Variants in THBS2 observed in about 807,000 individuals in gnomAD.
THBS2 encodes thrombospondin 2, also known as thrombospondin-2.
A neutral mutation model predicts 135.2 loss-of-function variants in THBS2; 47 were observed. The observed-to-expected ratio is 0.35, with a 90% CI of 0.28 to 0.44. The LOEUF is 0.44. Ranked by LOEUF, THBS2 falls within the 20% of genes least tolerant of loss-of-function variation. THBS2 has a pLI of 1.00. For synonymous variants in THBS2, 639 were observed against 633.8 expected, an observed-to-expected ratio of 1.01 and a Z score of -0.12; for missense variants, 1,288 against 1,603.1, an observed-to-expected ratio of 0.80 and a Z score of 3.36.
At chr6:169,226,367 AT>A (rs1233176737) in intron 15 of THBS2, 69 bp from the exon 16 acceptor site, 1 of 1,276,896 alleles carries the variant, frequency 7.8e-7, no homozygotes, top group Non-Finnish European at 1.1e-6. Flanking sequence ...GAAAAAGCAC[AT>A]TGTTTTTCCT....
At chr6:169,221,913 T>C (rs1779443875) in intron 19 of THBS2, among the ~76,000 whole-genome samples, 1 of 152,254 alleles carries the variant, frequency 6.6e-6, no homozygotes, top group Non-Finnish European at 1.5e-5. Context: ...TATTATATCT[T>C]TGATCATTAT....
In THBS2 at chr6:169,248,878, G is replaced by C; in HGVS notation, c.148C>G (p.Pro50Ala). Residue 50 changes from proline (P) to alanine (A), a missense_variant, in exon 3 of 22, where the codon CCC (proline) becomes GCC (alanine). Pro to Ala is a conservative substitution (Grantham distance 27). Around this residue, in one of 2 missense-constraint regions of THBS2, gnomAD observed 414 missense variants for 447.0 expected, o/e 0.93. Transcript: ENST00000617924. ...IGAKQFRGPD[P>A]GVPAYRFVRF... The stretch of plus-strand genomic sequence containing the variant: ...ACGAAGCGGTAAGCCGGCACGCCGG[G>C]GTCGGGCCCGCGGAACTGCTTGGCG... The C allele has an allele frequency of 6.2e-7, 1 of 1,612,870 alleles. No homozygotes were observed. Among genetic ancestry groups the C allele is most frequent in the Non-Finnish European group, 8.5e-7 (1 of 1,180,030 alleles).
At chr6:169,244,160 C>CTG (rs1228236224) in intron 4 of THBS2, among the ~76,000 whole-genome samples, 1 of 121,770 alleles carries the variant, frequency 8.2e-6, no homozygotes, top group Non-Finnish European at 1.7e-5. Flanking sequence ...CTAGATTTCT[C>CTG]TGTGTTTTTT....
Position 169,241,952 on chromosome 6 carries a change from A to T in THBS2, c.701T>A (p.Ile234Asn). The T allele has an allele frequency of 6.2e-7, 1 of 1,607,508 alleles. No individual in the cohort carries two copies. Among genetic ancestry groups the T allele is most frequent in the Non-Finnish European group, 8.5e-7 (1 of 1,177,040 alleles). ...KGCQQGQGAE[I>N]NAISENTETL... ...CTCTGTGTTCTCACTGATGGCGTTG[A>T]TCTCAGCTGAGGGCAAGCGTAGAAG... The change falls in exon 5 of 22, where the codon ATC becomes AAC. Residue 234 changes from isoleucine (I) to asparagine (N), a missense_variant. This residue lies in a region of THBS2 where 414 missense variants were observed against 447.0 expected (regional missense o/e 0.93). Transcript: ENST00000617924. This position sits in a 1 kb window ranked among gnomAD's most constrained non-coding sequence, Gnocchi z 5.5.
At position 169,234,723 on chromosome 6, in the gene THBS2, C is replaced by A. The variant is rs776541947; in HGVS notation, c.1651+11G>T. The A allele has an allele frequency of 5.2e-6, 8 of 1,549,446 alleles. No homozygotes were observed. Among genetic ancestry groups the A allele is most frequent in the Non-Finnish European group, 7.0e-6 (8 of 1,140,410 alleles). On this transcript the variant is annotated intron_variant, in intron 10 of 21. Coordinates refer to ENST00000617924, the MANE Select transcript of THBS2 (RefSeq NM_003247.5). Reference sequence around the variant, plus strand: ...CGGGTTTCAGTGCCCCCGCTTCTACCCCTCACTCACCCACGGGGCAGCTCC... The same window carrying A: ...CGGGTTTCAGTGCCCCCGCTTCTACACCTCACTCACCCACGGGGCAGCTCC...
chr6:169,237,713 T>A lies in THBS2; in HGVS notation c.1212A>T (p.Arg404Ser). ...TGCTGGTGACGTCACAGGACCGGCC[T>A]CTCTGCTGGGTCCCAGAGCCACACG... ...SVTCGSGTQQRGRSCDVTSNT... is the reference protein window; with the variant it reads ...SVTCGSGTQQSGRSCDVTSNT... Residue 404 changes from arginine (R) to serine (S), a missense_variant, in exon 8 of 22, where the codon AGA becomes AGT. Arg to Ser is a moderately radical substitution (Grantham distance 110). Coordinates refer to ENST00000617924, the MANE Select transcript of THBS2 (RefSeq NM_003247.5). The A allele has an allele frequency of 6.2e-7, 1 of 1,612,772 alleles. No homozygotes were observed. The highest frequency in any genetic ancestry group is 8.5e-7 in the Non-Finnish European group (1 of 1,179,952).
chr6:169,237,982 T>C (rs1036076907), intron 7 of THBS2, among the ~76,000 whole-genome samples, 187 bp from the exon 8 acceptor site: 10 of 152,192 alleles, frequency 6.6e-5, no homozygotes, highest in African/African-American at 2.2e-4. Context: ...CCCAAGTTTG[T>C]GACCTGCACG....
intron 5 of THBS2, 130 bp from the exon 6 acceptor site, chr6:169,240,722 C>G (rs1204888084): frequency 2.4e-6 from 3 of 1,225,274 alleles, no homozygotes; most frequent in Non-Finnish European, 3.3e-6. Context: ...TGACTCATCC[C>G]TGGGTGGAAG....
In THBS2 at chr6:169,237,325, C is replaced by T. The variant is rs761896919; in HGVS notation, c.1322G>A (p.Ser441Asn). The stretch of plus-strand genomic sequence containing the variant: ...GCATGAAGACCAAGGTGACCAGTGG[C>T]TCCAGCCGCCGTCCTGCCGGACTAA... Reference protein sequence around the residue: ...DTRIRQDGGWSHWSPWSSCSV... With the variant: ...DTRIRQDGGWNHWSPWSSCSV... The change falls in exon 9 of 22, where the codon AGC (serine) becomes AAC (asparagine). Residue 441 changes from serine to asparagine, a missense_variant. Around this residue, in one of 2 missense-constraint regions of THBS2, gnomAD observed 874 missense variants for 1,156.1 expected, o/e 0.76. Transcript: ENST00000617924. The T allele has an allele frequency of 6.2e-7, 1 of 1,613,216 alleles. No individual in the cohort carries two copies. The highest frequency in any genetic ancestry group is 8.5e-7 in the Non-Finnish European group (1 of 1,180,014).
intron 14 of THBS2, among the ~76,000 whole-genome samples, chr6:169,228,652 A>T (rs2114988455): frequency 6.6e-6 from 1 of 151,588 alleles, no homozygotes; most frequent in Non-Finnish European, 1.5e-5. Flanking sequence ...GCCCGGGCAC[A>T]GTGGCTCACA....
chr6:169,247,838 T>C (rs1562365333), intron 3 of THBS2, among the ~76,000 whole-genome samples: 1 of 151,914 alleles, frequency 6.6e-6, no homozygotes, highest in Admixed American at 6.6e-5. Context: ...TGTATGTGCA[T>C]GGGTGCCCAC....
chr6:169,221,291 G>A (rs1583403853), intron 20 of THBS2, 139 bp downstream of exon 20: 1 of 693,534 alleles, frequency 1.4e-6, no homozygotes, highest in East Asian at 2.6e-5. Context: ...ATAGAAAAGA[G>A]AAAGCAGTTA....
intron 7 of THBS2, among the ~76,000 whole-genome samples, chr6:169,238,302 C>T (rs1780177830): frequency 6.6e-6 from 1 of 152,132 alleles, no homozygotes; most frequent in Non-Finnish European, 1.5e-5. Flanking sequence ...AAGGAGATTC[C>T]CTGTAAAGAA....
intron 13 of THBS2, among the ~76,000 whole-genome samples, chr6:169,230,243 C>T (rs1779784537): frequency 6.6e-6 from 1 of 152,174 alleles, no homozygotes; most frequent in Non-Finnish European, 1.5e-5. Flanking sequence ...CATTTCAGTC[C>T]AGTTATACCA....
Position 169,227,863 on chromosome 6 carries a change from T to C in THBS2, c.2419+259A>G, listed in dbSNP as rs6903835. 0.65 allele frequency among the ~76,000 whole-genome samples: 98,819 copies of C among 151,890 alleles called. 33,162 individuals carry two copies. Among genetic ancestry groups the C allele is most frequent in the African/African-American group, 0.83 (34,410 of 41,482 alleles). ...TTGGGAGGCCAAGGCAGGCGGATCA[T>C]TTGAGGTCAGGAGCTTGAGACCAGC... is the stretch of plus-strand genomic sequence containing the variant. On this transcript the variant is annotated intron_variant, in intron 15 of 21. Transcript: ENST00000617924.
At position 169,217,848 on chromosome 6, in the gene THBS2, A is replaced by C. The variant is rs1562351306; in HGVS notation, c.3512-19T>G. On this transcript the variant is annotated intron_variant, in intron 21 of 21. Coordinates refer to ENST00000617924, the MANE Select transcript of THBS2 (RefSeq NM_003247.5). ...TAAATATCTACAAAAAGAAAAAAAAAAGCAATAAACAATTAGCATAACTGG... is the reference window on the plus strand; with the variant it reads ...TAAATATCTACAAAAAGAAAAAAAACAGCAATAAACAATTAGCATAACTGG... 2 of 1,609,078 alleles carry C rather than the reference A, an allele frequency of 1.2e-6. No individual in the cohort carries two copies. The highest frequency in any genetic ancestry group is 2.7e-5 in the African/African-American group (2 of 74,856).
intron 1 of THBS2, chr6:169,251,858 C>G (rs1450590993): frequency 2.0e-5 from 3 of 146,768 alleles, no homozygotes; most frequent in Non-Finnish European, 4.5e-5. Context: ...CTGCTCCCCC[C>G]AGTGCCGCCC....
At chr6:169,235,965 CCCCCA>C (rs1780031479) in intron 9 of THBS2, among the ~76,000 whole-genome samples, 1 of 89,514 alleles carries the variant, frequency 1.1e-5, no homozygotes, top group Non-Finnish European at 2.4e-5. Context: ...CACACTCACT[CCCCCA>C]TCCACACTCA....
At chr6:169,224,978 G>A (rs1261932460) in intron 17 of THBS2, among the ~76,000 whole-genome samples, 167 bp downstream of exon 17, 1 of 152,182 alleles carries the variant, frequency 6.6e-6, no homozygotes, top group East Asian at 1.9e-4. Flanking sequence ...TGAGTGTCAG[G>A]GGAGAAGAAA....
Sources: allele counts gnomAD v4.1 joint callset (sites outside exome capture counted in the v4.1 genomes callset), GRCh38; gene constraint gnomAD v4.1.1; regional missense constraint gnomAD v4.1.1; non-coding constraint Gnocchi (gnomAD v3.1); transcripts MANE v1.5; gene names NCBI Gene and HGNC (gene_info 2026-07-23, HGNC 2026-07-21).